Variants in CAPRIN1 observed in about 807,000 individuals in gnomAD.
The protein encoded by CAPRIN1 is cell cycle associated protein 1.
Under a neutral mutation model 100.9 loss-of-function variants are expected in CAPRIN1, and 29 were observed. The observed-to-expected ratio is 0.29, with a 90% CI of 0.21 to 0.39. The LOEUF (loss-of-function observed/expected upper bound fraction) is 0.39. Among genes scored for constraint, CAPRIN1 ranks in the 10% least tolerant of loss-of-function variants. The pLI, the probability that CAPRIN1 is intolerant of heterozygous loss-of-function variation, is 1.00. For missense variants in CAPRIN1, 795 were observed against 876.7 expected (o/e 0.91, Z 1.18); for synonymous variants, 338 against 307.5 (o/e 1.10, Z -1.04).
chr11:34,081,274 C>CA (rs1427554690), intron 7 of CAPRIN1, among the ~76,000 whole-genome samples: 1 of 150,508 alleles, frequency 6.6e-6, no homozygotes, highest in Non-Finnish European at 1.5e-5. Context: ...GATCCTGACT[C>CA]ACTGCAACCT....
chr11:34,081,794 G>A (rs1851035945), intron 7 of CAPRIN1, among the ~76,000 whole-genome samples: 1 of 152,032 alleles, frequency 6.6e-6, no homozygotes, highest in African/African-American at 2.4e-5. Context: ...CACCATGCCC[G>A]GCCTTAAGTT....
chr11:34,061,099 T>A (rs189908090), intron 2 of CAPRIN1, among the ~76,000 whole-genome samples: 15 of 152,300 alleles, frequency 9.8e-5, no homozygotes, highest in African/African-American at 3.4e-4. Flanking sequence ...GGATTGGCTT[T>A]TATCTTTTTT....
intron 2 of CAPRIN1, among the ~76,000 whole-genome samples, chr11:34,055,131 A>G (rs1016485739): frequency 6.6e-6 from 1 of 152,272 alleles, no homozygotes; most frequent in Admixed American, 6.5e-5. Context: ...ACTCTGTCAT[A>G]CCCTACCCTC....
intron 4 of CAPRIN1, among the ~76,000 whole-genome samples, chr11:34,074,487 A>T (rs561297506): frequency 6.6e-6 from 1 of 152,156 alleles, no homozygotes; most frequent in Non-Finnish European, 1.5e-5. Context: ...TGAACTGTTC[A>T]TTTCATACAG....
rs1304276359 is a variant in CAPRIN1 at position 34,096,596 on chromosome 11, G to A, written c.1823G>A (p.Arg608His). 6 of 1,614,014 alleles carry A rather than the reference G, an allele frequency of 3.7e-6. No homozygotes were observed. The highest frequency in any genetic ancestry group is 4.2e-6 in the Non-Finnish European group (5 of 1,179,966). The change falls in exon 16 of 19, where the codon CGT (arginine) becomes CAT (histidine). Residue 608 changes from arginine (R) to histidine (H), a missense_variant. Around this residue, in one of 3 missense-constraint regions of CAPRIN1, gnomAD observed 648 missense variants for 697.9 expected, o/e 0.93. Coordinates refer to ENST00000341394, the MANE Select transcript of CAPRIN1 (RefSeq NM_005898.5). Reference sequence around the variant, plus strand: ...AGCAATCAGCCCTATTACAATAGTCGTGGTGTGTCTCGTGGAGGCTCCCGT... The same window carrying A: ...AGCAATCAGCCCTATTACAATAGTCATGGTGTGTCTCGTGGAGGCTCCCGT... Reference protein sequence around the residue: ...PRSNQPYYNSRGVSRGGSRGA... With the variant: ...PRSNQPYYNSHGVSRGGSRGA...
chr11:34,069,139 A>G (rs1450205824), intron 2 of CAPRIN1, among the ~76,000 whole-genome samples: 1 of 151,216 alleles, frequency 6.6e-6, no homozygotes. Context: ...TCATAAATTC[A>G]AAACTTATTT....
intron 9 of CAPRIN1, among the ~76,000 whole-genome samples, chr11:34,084,008 G>A (rs946817639): frequency 2.0e-5 from 3 of 152,194 alleles, no homozygotes; most frequent in African/African-American, 4.8e-5. Context: ...GACAGAAGTT[G>A]TAGTGAGCTG....
Position 34,074,993 on chromosome 11 carries a change from C to T in CAPRIN1, c.367-1243C>T, listed in dbSNP as rs574677235. 5.5e-4 allele frequency among the ~76,000 whole-genome samples: 83 copies of T among 152,190 alleles called. 1 individual carries two copies. The highest frequency in any genetic ancestry group is 1.9e-3 in the African/African-American group (78 of 41,530). On this transcript the variant is annotated intron_variant, in intron 4 of 18. Transcript: ENST00000341394. ...CCAGGAGTTCAAGACCCAAGACCAG[C>T]CTTGGAAACATAGACCTTGCCTCAA...
chr11:34,052,641 C>T lies in CAPRIN1; in HGVS notation c.216+5C>T, dbSNP rs749806510. The T allele has an allele frequency of 1.2e-5, 19 of 1,601,922 alleles. No individual in the cohort carries two copies. Among genetic ancestry groups the T allele is most frequent in the Non-Finnish European group, 1.5e-5 (18 of 1,174,710 alleles). ...CGGAACCTGGAGAAGAAAAAGGTGC[C>T]AGGAGTTGGCGGGGAAGGGAGGGGT... On this transcript the variant is annotated splice_donor_5th_base_variant and intron_variant, in intron 2 of 18. Coordinates refer to ENST00000341394, the MANE Select transcript of CAPRIN1 (RefSeq NM_005898.5).
intron 11 of CAPRIN1, among the ~76,000 whole-genome samples, chr11:34,086,992 G>C (rs934878010): frequency 3.9e-5 from 6 of 152,152 alleles, no homozygotes; most frequent in African/African-American, 1.4e-4. Flanking sequence ...GAATATGTAA[G>C]AGGCAAAGGG....
intron 4 of CAPRIN1, among the ~76,000 whole-genome samples, chr11:34,075,124 T>A (rs1850881501): frequency 2.0e-5 from 3 of 152,182 alleles, no homozygotes. Flanking sequence ...CTCAGCTCAC[T>A]GTAGCTATCA....
chr11:34,095,677 C>G (rs1298455860), intron 15 of CAPRIN1: 2 of 152,204 alleles, frequency 1.3e-5, no homozygotes, highest in African/African-American at 4.8e-5. Context: ...TCCTCACCTC[C>G]CAAAGGTACT....
rs1000360840 is a variant in CAPRIN1 at position 34,102,332 on chromosome 11, A to T, written c.*2965A>T. Among the ~76,000 whole-genome samples, 1 of 152,200 alleles carries T rather than the reference A, an allele frequency of 6.6e-6. No homozygotes were observed. The highest frequency in any genetic ancestry group is 2.4e-5 in the African/African-American group (1 of 41,446). On this transcript the variant is annotated 3_prime_UTR_variant, in exon 19 of 19. Transcript: ENST00000341394. Reference sequence around the variant, plus strand: ...GGAATGCAGATAAGTGCCGAATTCAAACCCTTCATTTTATGTTTAAGCTCC... The same window carrying T: ...GGAATGCAGATAAGTGCCGAATTCATACCCTTCATTTTATGTTTAAGCTCC...
At position 34,055,462 on chromosome 11, in the gene CAPRIN1, G is replaced by T. The variant is rs1850431707; in HGVS notation, c.216+2826G>T. Among the ~76,000 whole-genome samples the T allele has an allele frequency of 6.6e-5, 10 of 152,106 alleles. No homozygotes were observed. The South Asian group carries it at 1.9e-3, about 28-fold the overall frequency. On this transcript the variant is annotated intron_variant, in intron 2 of 18. Transcript: ENST00000341394. ...CTCGGCCCCCCGCCCAGAGTAGCTG[G>T]GGTTACAGGCACCTGCCACCACGCC...
At chr11:34,064,474 T>G (rs1850646030) in intron 2 of CAPRIN1, among the ~76,000 whole-genome samples, 1 of 152,186 alleles carries the variant, frequency 6.6e-6, no homozygotes, top group Non-Finnish European at 1.5e-5. Context: ...AGGCAAATTG[T>G]ATTTGGAGAA....
chr11:34,067,822 G>C (rs1445068636), intron 2 of CAPRIN1, among the ~76,000 whole-genome samples: 2 of 151,740 alleles, frequency 1.3e-5, no homozygotes, highest in Non-Finnish European at 2.9e-5. Flanking sequence ...CTTTATTTTG[G>C]CTATGCAGAG....
Position 34,090,171 on chromosome 11 carries a change from A to C in CAPRIN1, c.1294-8A>C, listed in dbSNP as rs754928042. 1 of 1,565,978 alleles carries C rather than the reference A, an allele frequency of 6.4e-7. No homozygotes were observed. ...GGAAGAAGCTTTTATTTCTTTACTT[A>C]TGTCTAGGTTCCTTTGGTATCATCC... On this transcript the variant is annotated splice_region_variant and splice_polypyrimidine_tract_variant and intron_variant, in intron 12 of 18. Transcript: ENST00000341394.
At chr11:34,068,199 A>C (rs1850737508) in intron 2 of CAPRIN1, among the ~76,000 whole-genome samples, 1 of 152,200 alleles carries the variant, frequency 6.6e-6, no homozygotes, top group Non-Finnish European at 1.5e-5. Context: ...TGGCTTCCTC[A>C]TCATGTGGCA....
At chr11:34,056,092 T>G (rs1850443861) in intron 2 of CAPRIN1, among the ~76,000 whole-genome samples, 1 of 152,234 alleles carries the variant, frequency 6.6e-6, no homozygotes, top group Admixed American at 6.5e-5. Flanking sequence ...AGTTTTGAAT[T>G]CCTCTTTAGA....
Sources: allele counts gnomAD v4.1 joint callset (sites outside exome capture counted in the v4.1 genomes callset), GRCh38; gene constraint gnomAD v4.1.1; regional missense constraint gnomAD v4.1.1; transcripts MANE v1.5; gene names NCBI Gene and HGNC (gene_info 2026-07-23, HGNC 2026-07-21).